Variants in CSMD3 observed in about 807,000 individuals in gnomAD.
CSMD3 encodes CUB and sushi domain-containing protein 3.
Under a neutral mutation model 435.2 loss-of-function variants are expected in CSMD3, and 177 were observed. The ratio of observed to expected loss-of-function variants is 0.41; its 90% CI spans 0.36 to 0.46. The LOEUF is 0.46. Ranked by LOEUF, CSMD3 falls within the 20% of genes least tolerant of loss-of-function variation. CSMD3 has a pLI of 0.34. For synonymous variants in CSMD3, 1,656 were observed against 1,520.5 expected (o/e 1.09, Z -2.07); for missense variants, 4,265 against 4,504.6 (o/e 0.95, Z 1.52).
At chr8:113,243,422 T>C (rs1325772083) in intron 3 of CSMD3, among the ~76,000 whole-genome samples, 1 of 152,106 alleles carries the variant, frequency 6.6e-6, no homozygotes, top group African/African-American at 2.4e-5. Context: ...GTGCATGTTG[T>C]AGCAAGTATC....
intron 11 of CSMD3, among the ~76,000 whole-genome samples, chr8:112,839,262 T>C (rs1285251191): frequency 1.3e-5 from 2 of 151,776 alleles, no homozygotes; most frequent in Non-Finnish European, 2.9e-5. Context: ...TTTATTTTTC[T>C]ATGCCTTTAA....
chr8:113,127,494 T>A (rs1484551683), intron 4 of CSMD3, among the ~76,000 whole-genome samples: 1 of 152,002 alleles, frequency 6.6e-6, no homozygotes, highest in African/African-American at 2.4e-5. Context: ...AAAAACCCTC[T>A]GTCTCCTACT....
intron 2 of CSMD3, among the ~76,000 whole-genome samples, chr8:113,306,466 T>A (rs1275953082): frequency 6.6e-6 from 1 of 152,172 alleles, no homozygotes; most frequent in Admixed American, 6.6e-5. Flanking sequence ...AACTACCCTC[T>A]GGTCATTTGT....
At chr8:112,899,065 A>G (rs2082029046) in intron 10 of CSMD3, among the ~76,000 whole-genome samples, 1 of 151,264 alleles carries the variant, frequency 6.6e-6, no homozygotes, top group Non-Finnish European at 1.5e-5. Context: ...TTATACAAAT[A>G]AGCCACAACT....
chr8:112,699,984 AGTT>A (rs1454764038), intron 13 of CSMD3, among the ~76,000 whole-genome samples: 2 of 152,014 alleles, frequency 1.3e-5, no homozygotes, highest in Non-Finnish European at 1.5e-5. Flanking sequence ...GCGTGTGTGT[AGTT>A]AGTGAAATTT....
intron 13 of CSMD3, among the ~76,000 whole-genome samples, chr8:112,786,386 A>C (rs1386681451): frequency 1.3e-5 from 2 of 152,162 alleles, no homozygotes; most frequent in Non-Finnish European, 2.9e-5. Context: ...TTATTACCCC[A>C]AAAGCACAGG....
intron 1 of CSMD3, among the ~76,000 whole-genome samples, chr8:113,323,580 A>C (rs1165386847): frequency 6.6e-6 from 1 of 152,228 alleles, no homozygotes; most frequent in Non-Finnish European, 1.5e-5. Flanking sequence ...TTCATAAATT[A>C]ACAACATGAA....
At chr8:113,258,454 A>T (rs897882677) in intron 3 of CSMD3, among the ~76,000 whole-genome samples, 7 of 152,192 alleles carry the variant, frequency 4.6e-5, no homozygotes, top group Non-Finnish European at 7.3e-5. Flanking sequence ...ATTCTCCAGC[A>T]ACCAATGTAA....
intron 10 of CSMD3, among the ~76,000 whole-genome samples, chr8:112,882,220 A>T (rs2081468729): frequency 6.6e-6 from 1 of 151,968 alleles, no homozygotes; most frequent in Non-Finnish European, 1.5e-5. Context: ...TCTCAAGCAA[A>T]AATCTGCCTT....
Position 112,224,743 on chromosome 8 carries a change from G to A in CSMD3, c.*28C>T. On this transcript the variant is annotated 3_prime_UTR_variant, in exon 71 of 71. Coordinates refer to ENST00000297405, the MANE Select transcript of CSMD3 (RefSeq NM_198123.2). ...CACTGTTTTGTGTGTCGATTTCCAA[G>A]CTTCTGAAGAAGGCAAAGGTTGCCT... 1.2e-6 allele frequency: 2 copies of A among 1,613,008 alleles called. No individual in the cohort carries two copies. Among genetic ancestry groups the A allele is most frequent in the Middle Eastern group, 3.3e-4 (2 of 6,058 alleles).
At chr8:112,523,920 G>A (rs1471000307) in intron 27 of CSMD3, among the ~76,000 whole-genome samples, 1 of 151,966 alleles carries the variant, frequency 6.6e-6, no homozygotes, top group Non-Finnish European at 1.5e-5. Context: ...AAACAACCTA[G>A]GAAAGAAACA....
At chr8:112,933,562 C>T (rs1442142531) in intron 9 of CSMD3, among the ~76,000 whole-genome samples, 1 of 152,112 alleles carries the variant, frequency 6.6e-6, no homozygotes, top group Admixed American at 6.6e-5. Flanking sequence ...GTGCATCACA[C>T]TCTGATACTC....
chr8:113,308,106 AATTT>A (rs2093836165), intron 2 of CSMD3, among the ~76,000 whole-genome samples: 1 of 151,772 alleles, frequency 6.6e-6, no homozygotes, highest in Non-Finnish European at 1.5e-5. Context: ...ATACTTGGGG[AATTT>A]ATTCTCAACA....
chr8:113,252,738 A>G (rs2093345409), intron 3 of CSMD3, among the ~76,000 whole-genome samples: 1 of 152,202 alleles, frequency 6.6e-6, no homozygotes, highest in African/African-American at 2.4e-5. Flanking sequence ...TAAGCTGTTT[A>G]AAACTATAAA....
chr8:112,785,200 A>G (rs998421043), intron 13 of CSMD3, among the ~76,000 whole-genome samples: 5 of 152,092 alleles, frequency 3.3e-5, no homozygotes, highest in African/African-American at 1.2e-4. Context: ...ATCATTTGAT[A>G]AAATTCAACA....
At chr8:112,416,103 A>G (rs1237250304) in intron 32 of CSMD3, among the ~76,000 whole-genome samples, 1 of 152,100 alleles carries the variant, frequency 6.6e-6, no homozygotes, top group Non-Finnish European at 1.5e-5. Flanking sequence ...GGAAGGGACC[A>G]TGGGCTGTGT....
intron 4 of CSMD3, among the ~76,000 whole-genome samples, chr8:113,123,918 A>G (rs1289062300): frequency 6.6e-6 from 1 of 151,948 alleles, no homozygotes; most frequent in Admixed American, 6.6e-5. Flanking sequence ...CTCTCAAAAA[A>G]TCTACTAATC....
chr8:112,559,200 G>A (rs1276705756), intron 24 of CSMD3, among the ~76,000 whole-genome samples: 2 of 151,806 alleles, frequency 1.3e-5, no homozygotes, highest in Non-Finnish European at 2.9e-5. Context: ...CTGTGAGGAA[G>A]GTTTATGTTT....
At chr8:113,052,201 AT>A (rs2131330796) in intron 5 of CSMD3, among the ~76,000 whole-genome samples, 1 of 152,352 alleles carries the variant, frequency 6.6e-6, no homozygotes, top group Non-Finnish European at 1.5e-5. Flanking sequence ...AATTAGATGT[AT>A]CTGTGAATCT....
Sources: allele counts gnomAD v4.1 joint callset (sites outside exome capture counted in the v4.1 genomes callset), GRCh38; gene constraint gnomAD v4.1.1; transcripts MANE v1.5; gene names NCBI Gene and HGNC (gene_info 2026-07-23, HGNC 2026-07-21).